Variants in OPCML observed in about 807,000 individuals in gnomAD.
OPCML encodes the protein opioid-binding protein/cell adhesion molecule.
Under a neutral mutation model 37.8 loss-of-function variants are expected in OPCML, and 13 were observed. The observed-to-expected ratio is 0.34, with a 90% CI of 0.22 to 0.55. The LOEUF (loss-of-function observed/expected upper bound fraction) is 0.55. OPCML is among the 20% of genes least tolerant of loss of function. The pLI is 0.91. For missense variants in OPCML, 341 were observed against 435.6 expected (o/e 0.78, Z 1.93); for synonymous variants, 176 against 168.8 (o/e 1.04, Z -0.33).
chr11:132,462,479 C>T (rs2096105826), intron 4 of OPCML, among the ~76,000 whole-genome samples: 1 of 152,166 alleles, frequency 6.6e-6, no homozygotes, highest in Admixed American at 6.5e-5. Flanking sequence ...GCAACATTGA[C>T]ATGAACTCTG....
chr11:132,512,298 C>T (rs767230653), intron 4 of OPCML, among the ~76,000 whole-genome samples: 3 of 151,982 alleles, frequency 2.0e-5, no homozygotes, highest in African/African-American at 7.2e-5. Context: ...AGTTTGGTGG[C>T]TTTTTGTAAC....
intron 2 of OPCML, among the ~76,000 whole-genome samples, chr11:132,940,074 G>A (rs1003524468): frequency 1.3e-5 from 2 of 152,154 alleles, no homozygotes; most frequent in East Asian, 1.9e-4. Flanking sequence ...TACAGAAAAC[G>A]AGTTTCATCC....
chr11:133,278,741 T>TA (rs34058312), intron 1 of OPCML, among the ~76,000 whole-genome samples: 2,748 of 150,066 alleles, frequency 0.018, 51 homozygotes, highest in African/African-American at 0.05. Context: ...TTTGTTTGAT[T>TA]AAAAAAAAAA....
At chr11:132,691,510 G>C (rs918353859) in intron 2 of OPCML, among the ~76,000 whole-genome samples, 1 of 152,172 alleles carries the variant, frequency 6.6e-6, no homozygotes. Flanking sequence ...CAGTGTCATA[G>C]GGCTTATATG....
chr11:133,175,012 G>A (rs189020311), intron 1 of OPCML, among the ~76,000 whole-genome samples: 130 of 152,304 alleles, frequency 8.5e-4, no homozygotes, highest in African/African-American at 3.0e-3. Context: ...AGTGAGATGG[G>A]AGGATCACTT....
intron 1 of OPCML, among the ~76,000 whole-genome samples, chr11:133,470,047 C>T (rs7119083): frequency 0.29 from 43,550 of 151,964 alleles, 7,794 homozygotes; most frequent in African/African-American, 0.51. Flanking sequence ...TGCAATAAGC[C>T]GCTTAAAGTT....
chr11:132,544,688 T>C (rs1331686497), intron 3 of OPCML, among the ~76,000 whole-genome samples: 1 of 152,154 alleles, frequency 6.6e-6, no homozygotes, highest in Admixed American at 6.5e-5. Flanking sequence ...TTCAGTGCTT[T>C]CAACTACAAA....
intron 1 of OPCML, among the ~76,000 whole-genome samples, chr11:133,058,497 G>A (rs1377881718): frequency 6.6e-6 from 1 of 152,192 alleles, no homozygotes. Context: ...CATCGAGCAT[G>A]CCACCCACTC....
chr11:133,218,730 A>G (rs1939692213), intron 1 of OPCML, among the ~76,000 whole-genome samples: 1 of 152,028 alleles, frequency 6.6e-6, no homozygotes, highest in South Asian at 2.1e-4. Flanking sequence ...GGATTATCCC[A>G]TTTTACTCTG....
In OPCML at chr11:132,436,105, A is replaced by G. The variant is rs1490717169; in HGVS notation, c.897T>C (p.Asn299=). 6.2e-7 allele frequency: 1 copy of G among 1,614,124 alleles called. No homozygotes were observed. The highest frequency in any genetic ancestry group is 8.5e-7 in the Non-Finnish European group (1 of 1,179,990). ...ACTCACCATACAATGTGATGCTGGC[A>G]TTGGTGTTCCCAAGCTTGTTCGTGG... ...CVATNKLGNT[N]ASITLYGPGA... is the part of the protein sequence containing the mutation. The change falls in exon 7 of 8, where the codon AAT becomes AAC. Residue 299 remains asparagine (N), a synonymous_variant. Coordinates refer to ENST00000524381, the MANE Select transcript of OPCML (RefSeq NM_001012393.5).
intron 1 of OPCML, among the ~76,000 whole-genome samples, chr11:133,109,698 C>T (rs1949221537): frequency 6.6e-6 from 1 of 152,194 alleles, no homozygotes; most frequent in South Asian, 2.1e-4. Flanking sequence ...TTTGGGTAGT[C>T]TACCTGGTGA....
chr11:133,114,127 G>T (rs1275665285), intron 1 of OPCML, among the ~76,000 whole-genome samples: 1 of 152,130 alleles, frequency 6.6e-6, no homozygotes, highest in African/African-American at 2.4e-5. Context: ...TAATCTTGTT[G>T]CTCACAGAAA....
chr11:132,633,776 C>T (rs1022749961), intron 3 of OPCML, among the ~76,000 whole-genome samples: 1 of 152,140 alleles, frequency 6.6e-6, no homozygotes, highest in Non-Finnish European at 1.5e-5. Context: ...CCAGGAAAGG[C>T]ACAGAGTGTT....
At chr11:133,020,125 A>G (rs1433736536) in intron 1 of OPCML, among the ~76,000 whole-genome samples, 1 of 152,230 alleles carries the variant, frequency 6.6e-6, no homozygotes, top group Non-Finnish European at 1.5e-5. Context: ...TGCTGCCATT[A>G]CAATGCAGTC....
chr11:132,423,563 C>T (rs1168219847), intron 7 of OPCML, among the ~76,000 whole-genome samples: 1 of 152,170 alleles, frequency 6.6e-6, no homozygotes, highest in Non-Finnish European at 1.5e-5. Context: ...GGGCAATGAA[C>T]TCATTCTTTA....
At chr11:132,726,718 G>A (rs1944898552) in intron 2 of OPCML, among the ~76,000 whole-genome samples, 2 of 152,180 alleles carry the variant, frequency 1.3e-5, no homozygotes, top group South Asian at 2.1e-4. Flanking sequence ...CCAGAAGCAG[G>A]ACCGTGGAAG....
intron 2 of OPCML, among the ~76,000 whole-genome samples, chr11:132,709,426 A>C (rs1489239922): frequency 2.0e-5 from 3 of 152,218 alleles, no homozygotes; most frequent in Non-Finnish European, 4.4e-5. Context: ...GCTAAACTGC[A>C]AACTTCATTA....
Position 133,074,644 on chromosome 11 carries a change from C to A in OPCML, c.62-131634G>T, listed in dbSNP as rs74858599. The stretch of plus-strand genomic sequence containing the variant: ...ACCAGCTAGTCGGGGCTCTTGCCCC[C>A]AGGATCCTATGTGAAGCTTTGGTTC... On this transcript the variant is annotated intron_variant, in intron 1 of 7. Transcript: ENST00000524381. 5.5e-3 allele frequency among the ~76,000 whole-genome samples: 833 copies of A among 152,286 alleles called. 5 individuals are homozygous for A. Among genetic ancestry groups the A allele is most frequent in the Middle Eastern group, 0.034 (10 of 294 alleles).
At chr11:132,452,497 A>ACTTCCTTCCTTCCGTCCTTC in intron 4 of OPCML, among the ~76,000 whole-genome samples, 1 of 96,826 alleles carries the variant, frequency 1.0e-5, no homozygotes, top group East Asian at 3.5e-4. Flanking sequence ...TCCCTTCCTC[A>ACTTCCTTCCTTCCGTCCTTC]CTTCCTTCCT....
Sources: allele counts gnomAD v4.1 joint callset (sites outside exome capture counted in the v4.1 genomes callset), GRCh38; gene constraint gnomAD v4.1.1; transcripts MANE v1.5; gene names NCBI Gene and HGNC (gene_info 2026-07-23, HGNC 2026-07-21).